NETO2: variants seen among roughly 807,000 people sequenced by gnomAD.
NETO2 encodes the protein neuropilin and tolloid like 2.
NETO2 carries 28 observed loss-of-function variants against 62.5 expected under a neutral mutation model. The ratio of observed to expected loss-of-function variants is 0.45; its 90% CI spans 0.33 to 0.61. NETO2 has a LOEUF of 0.61. Ranked by LOEUF, NETO2 falls within the 20% of genes least tolerant of loss-of-function variation. NETO2 has a pLI of 0.02. For missense variants in NETO2, 548 were observed against 643.2 expected (o/e 0.85, Z 1.60); for synonymous variants, 214 against 219.1 (o/e 0.98, Z 0.21).
At position 47,111,597 on chromosome 16, in the gene NETO2, C is replaced by A. The variant is rs116787625; in HGVS notation, c.655-1886G>T. On this transcript the variant is annotated intron_variant, in intron 6 of 8. Coordinates refer to ENST00000562435, the MANE Select transcript of NETO2 (RefSeq NM_018092.5). The stretch of plus-strand genomic sequence containing the variant: ...CTTACAACTTTCATCAAGTAAGTGA[C>A]CTCTTACCCTATCCCTATATCCTAC... Among the ~76,000 whole-genome samples the A allele has an allele frequency of 3.3e-3, 505 of 152,274 alleles. 1 individual carries two copies. Among genetic ancestry groups the A allele is most frequent in the African/African-American group, 0.012 (479 of 41,546 alleles).
intron 6 of NETO2, among the ~76,000 whole-genome samples, chr16:47,116,286 T>A (rs144802553): frequency 6.6e-6 from 1 of 152,250 alleles, no homozygotes; most frequent in East Asian, 1.9e-4. Context: ...GTGCCTGGTT[T>A]AGCTGGTAGG....
intron 3 of NETO2, 135 bp from the exon 4 acceptor site, chr16:47,128,708 C>T (rs1964206754): frequency 2.2e-6 from 2 of 900,454 alleles, no homozygotes; most frequent in Non-Finnish European, 3.4e-6. Flanking sequence ...AATTGCTATA[C>T]AAGTCATGAT....
At chr16:47,108,649 G>T (rs1963722522) in intron 7 of NETO2, among the ~76,000 whole-genome samples, 2 of 152,228 alleles carry the variant, frequency 1.3e-5, no homozygotes, top group Admixed American at 1.3e-4. Context: ...CAGAGTAACT[G>T]TCACAGATGG....
chr16:47,133,834 AT>A (rs1964318385), intron 1 of NETO2, among the ~76,000 whole-genome samples: 1 of 152,184 alleles, frequency 6.6e-6, no homozygotes, highest in Non-Finnish European at 1.5e-5. Context: ...ACTTCTAACT[AT>A]AATGAGAAGC....
At chr16:47,096,974 G>A (rs1428015646) in intron 7 of NETO2, among the ~76,000 whole-genome samples, 1 of 152,186 alleles carries the variant, frequency 6.6e-6, no homozygotes, top group Non-Finnish European at 1.5e-5. Context: ...AGCCATGAGG[G>A]AACGGCGCAT....
intron 7 of NETO2, among the ~76,000 whole-genome samples, chr16:47,086,561 T>C (rs1277330485): frequency 1.3e-5 from 2 of 152,220 alleles, no homozygotes; most frequent in African/African-American, 4.8e-5. Context: ...TTTAATGTAA[T>C]GATAATGAAT....
chr16:47,125,806 T>C (rs1466012631), intron 4 of NETO2, among the ~76,000 whole-genome samples: 1 of 152,220 alleles, frequency 6.6e-6, no homozygotes, highest in East Asian at 1.9e-4. Context: ...TCCTCCAGCC[T>C]CAGCCTCCCG....
At chr16:47,124,972 T>C (rs1243692051) in intron 4 of NETO2, among the ~76,000 whole-genome samples, 1 of 152,190 alleles carries the variant, frequency 6.6e-6, no homozygotes, top group Non-Finnish European at 1.5e-5. Flanking sequence ...TCATGATCTA[T>C]AACATGAATA....
intron 8 of NETO2, 98 bp downstream of exon 8, chr16:47,086,128 T>G (rs1330761860): frequency 1.3e-6 from 1 of 778,276 alleles, no homozygotes; most frequent in Admixed American, 1.9e-5. Context: ...AAAAAGCAGC[T>G]ATGCTAAGCA....
In NETO2 at chr16:47,129,434, CT is replaced by C. The variant is rs554426622; in HGVS notation, c.92-71del. ...AATCATTCTTCTCTTTCCCCCACCA[CT>C]TTCCAAACGATTGCTCACTCTATGC... On this transcript the variant is annotated intron_variant, in intron 2 of 8. Coordinates refer to ENST00000562435, the MANE Select transcript of NETO2 (RefSeq NM_018092.5). The C allele has an allele frequency of 5.5e-5, 83 of 1,513,250 alleles. No homozygotes were observed. In the Admixed American group the frequency reaches 1.0e-3, roughly 19 times the overall value. The allele number at this position is 1,513,250 out of a possible 1,614,324, so 93.7% of individuals were successfully genotyped here. A position where few individuals can be genotyped will look rare whatever the true frequency, so the allele number is the denominator to read the frequency against.
chr16:47,131,898 G>T, intron 2 of NETO2, 71 bp downstream of exon 2: 1 of 1,268,868 alleles, frequency 7.9e-7, no homozygotes, highest in Non-Finnish European at 1.2e-6. Flanking sequence ...GTACCCAAAA[G>T]TTGCAATCCT....
intron 1 of NETO2, among the ~76,000 whole-genome samples, chr16:47,140,073 T>C (rs1964432462): frequency 6.6e-6 from 1 of 152,216 alleles, no homozygotes; most frequent in Non-Finnish European, 1.5e-5. Flanking sequence ...GGAAGCAATA[T>C]AACAAACCCG....
chr16:47,080,984 G>A lies in NETO2; in HGVS notation c.*2237C>T, dbSNP rs188050664. The A allele has an allele frequency of 4.7e-5, 7 of 148,402 alleles. No homozygotes were observed. The highest frequency in any genetic ancestry group is 2.0e-4 in the Admixed American group (3 of 15,214). 9.2% of individuals were successfully genotyped at this position (148,402 alleles called of 1,614,324 possible). On this transcript the variant is annotated 3_prime_UTR_variant, in exon 9 of 9. Transcript: ENST00000562435. Reference sequence around the variant, plus strand: ...TAAATGTTACTTGCTACATTGACTCGTATAAAACTGTGTACTTCTATTTTA... The same window carrying A: ...TAAATGTTACTTGCTACATTGACTCATATAAAACTGTGTACTTCTATTTTA...
At chr16:47,118,658 T>C (rs1400108214) in intron 6 of NETO2, among the ~76,000 whole-genome samples, 1 of 152,246 alleles carries the variant, frequency 6.6e-6, no homozygotes, top group Non-Finnish European at 1.5e-5. Context: ...ATTTCAAATA[T>C]GCAAAAACAG....
chr16:47,114,617 A>AT (rs1270396024), intron 6 of NETO2, among the ~76,000 whole-genome samples: 2 of 150,540 alleles, frequency 1.3e-5, no homozygotes, highest in African/African-American at 4.9e-5. Flanking sequence ...TGCCCAACTA[A>AT]TTTTTTGTAT....
chr16:47,085,418 G>A (rs1297353784), intron 8 of NETO2, among the ~76,000 whole-genome samples: 3 of 150,128 alleles, frequency 2.0e-5, no homozygotes, highest in Non-Finnish European at 4.4e-5. Context: ...TTTCACTTTT[G>A]TTGCCCAAGC....
At chr16:47,143,164 A>G (rs1964499033) in intron 1 of NETO2, among the ~76,000 whole-genome samples, 1 of 152,102 alleles carries the variant, frequency 6.6e-6, no homozygotes, top group African/African-American at 2.4e-5. Context: ...GTTCTCGTGG[A>G]ATTACTTTTT....
At chr16:47,130,415 C>G (rs932613779) in intron 2 of NETO2, among the ~76,000 whole-genome samples, 2 of 151,660 alleles carry the variant, frequency 1.3e-5, no homozygotes, top group Non-Finnish European at 2.9e-5. Flanking sequence ...CAAGGATCAC[C>G]AGACATTGGA....
intron 6 of NETO2, among the ~76,000 whole-genome samples, chr16:47,121,740 C>T (rs769511555): frequency 6.6e-6 from 1 of 152,252 alleles, no homozygotes; most frequent in Non-Finnish European, 1.5e-5. Context: ...CCCAGTATGT[C>T]TACCCCTGTG....
Sources: gnomAD v4.1 joint callset for allele counts (sites outside exome capture counted in the v4.1 genomes callset) on GRCh38, gnomAD v4.1.1 for gene constraint, MANE v1.5 for transcripts, NCBI Gene and HGNC (gene_info 2026-07-23, HGNC 2026-07-21) for gene names.